CCNB3: variants seen among roughly 807,000 people sequenced by gnomAD.
CCNB3 encodes the protein cyclin B3.
Under a neutral mutation model 68.0 loss-of-function variants are expected in CCNB3, and 12 were observed. The ratio of observed to expected loss-of-function variants is 0.18; its 90% CI spans 0.11 to 0.29. CCNB3 has a LOEUF of 0.29. Ranked by LOEUF, CCNB3 falls within the 10% of genes least tolerant of loss-of-function variation. The probability of loss-of-function intolerance (pLI) is 1.00; values close to 1 mark genes in which losing one functional copy is unlikely to be tolerated. For missense variants in CCNB3, 904 were observed against 993.1 expected (o/e 0.91, Z 1.21); for synonymous variants, 354 against 388.9 (o/e 0.91, Z 1.06).
intron 3 of CCNB3, among the ~76,000 whole-genome samples, chrX:50,287,745 G>A (rs1270432239): frequency 9.1e-6 from 1 of 110,346 alleles, no homozygotes; most frequent in Non-Finnish European, 1.9e-5. Context: ...TATCCTTACT[G>A]GTAATGTCTT....
rs1557220578 is a variant in CCNB3 at position 50,347,701 on chromosome X, G to A, written c.3886G>A (p.Val1296Ile). The A allele has an allele frequency of 4.1e-6, 5 of 1,208,446 alleles. No individual in the cohort carries two copies. The highest frequency in any genetic ancestry group is 1.8e-5 in the African/African-American group (1 of 56,733). ...GATGACCCTGCAGGAATACCACTATGTCCAGGAGAAGGCTTCCAAGCTAGC... is the reference window on the plus strand; with the variant it reads ...GATGACCCTGCAGGAATACCACTATATCCAGGAGAAGGCTTCCAAGCTAGC... The part of the protein sequence containing the change: ...CEMTLQEYHY[V>I]QEKASKLAAA... Residue 1296 changes from valine to isoleucine, a missense_variant, in exon 11 of 13, where the codon GTC (valine) becomes ATC (isoleucine). Physicochemically the swap from Val to Ile is conservative, Grantham distance 29 (BLOSUM62 3). Coordinates refer to ENST00000376042, the MANE Select transcript of CCNB3 (RefSeq NM_033031.3).
chrX:50,346,628 ACCT>A, intron 9 of CCNB3, 21 bp from the exon 10 acceptor site: 1 of 1,189,749 alleles, frequency 8.4e-7, no homozygotes. Flanking sequence ...TCTGGTTGTC[ACCT>A]CCTCTCCTCT....
In CCNB3 at chrX:50,296,961, C is replaced by A. The variant is rs1454866661; in HGVS notation, c.335+1968C>A. On this transcript the variant is annotated intron_variant, in intron 5 of 12. Transcript: ENST00000376042. The stretch of plus-strand genomic sequence containing the variant: ...AATGTCTGTTCATATCCTTCACCCA[C>A]TTTTTGATGGGGTTGTTTGCTTTTT... 9.6e-3 allele frequency among the ~76,000 whole-genome samples: 1,064 copies of A among 111,128 alleles called. 4 individuals carry two copies. The highest frequency in any genetic ancestry group is 0.015 in the Non-Finnish European group (807 of 52,963).
intron 8 of CCNB3, among the ~76,000 whole-genome samples, chrX:50,334,859 G>A (rs141493378): frequency 0.011 from 1,247 of 112,133 alleles, 14 homozygotes; most frequent in Non-Finnish European, 0.019. Flanking sequence ...ACAGCTCCTA[G>A]GAATTCCCTT....
intron 1 of CCNB3, among the ~76,000 whole-genome samples, chrX:50,279,103 C>A (rs1355908647): frequency 2.7e-4 from 13 of 48,219 alleles, no homozygotes; most frequent in Admixed American, 3.8e-4. Context: ...AATATATATT[C>A]CATATATAAA....
At chrX:50,293,476 CTT>C (rs1291950599) in intron 4 of CCNB3, among the ~76,000 whole-genome samples, 4 of 110,916 alleles carry the variant, frequency 3.6e-5, no homozygotes, top group Non-Finnish European at 7.6e-5. Flanking sequence ...TATTTGAGAT[CTT>C]TCTAGCTTTT....
intron 1 of CCNB3, among the ~76,000 whole-genome samples, chrX:50,225,742 T>A (rs912976192): frequency 6.4e-5 from 7 of 108,724 alleles, no homozygotes; most frequent in African/African-American, 1.7e-4. Context: ...TGGTATCAAT[T>A]TCTGAAAGGG....
intron 9 of CCNB3, among the ~76,000 whole-genome samples, chrX:50,344,068 G>A (rs1165581844): frequency 8.9e-6 from 1 of 112,021 alleles, no homozygotes; most frequent in Non-Finnish European, 1.9e-5. Context: ...CTTTTATGCT[G>A]TATTGTTACT....
intron 8 of CCNB3, among the ~76,000 whole-genome samples, chrX:50,317,342 T>C (rs1280685108): frequency 1.8e-5 from 2 of 111,639 alleles, no homozygotes; most frequent in African/African-American, 3.3e-5. Context: ...ATGTGATTTA[T>C]AAATATATCC....
At chrX:50,298,059 C>T (rs1237608857) in intron 5 of CCNB3, among the ~76,000 whole-genome samples, 1 of 111,616 alleles carries the variant, frequency 9.0e-6, no homozygotes, top group Non-Finnish European at 1.9e-5. Flanking sequence ...TCTAGATATA[C>T]AATCATGTCA....
chrX:50,215,937 GCTT>G (rs1382698771), intron 1 of CCNB3, among the ~76,000 whole-genome samples: 1 of 97,079 alleles, frequency 1.0e-5, no homozygotes, highest in Admixed American at 1.1e-4. Context: ...ATTGGGGTGT[GCTT>G]CTTTTTTTTT....
Position 50,209,561 on chromosome X carries a change from G to A in CCNB3, c.-113+4611G>A, listed in dbSNP as rs1484137479. ...AGTAGCGATGGGGTTTCACCATGTT[G>A]GCCAGGCTGGTCTTAAACTCCTGAC... On this transcript the variant is annotated intron_variant, in intron 1 of 12. Coordinates refer to ENST00000376042, the MANE Select transcript of CCNB3 (RefSeq NM_033031.3). Among the ~76,000 whole-genome samples, 690 of 111,313 alleles carry A rather than the reference G, an allele frequency of 6.2e-3. 4 individuals are homozygous for A. Among genetic ancestry groups the A allele is most frequent in the African/African-American group, 0.022 (669 of 30,613 alleles).
intron 1 of CCNB3, among the ~76,000 whole-genome samples, chrX:50,226,373 TA>T (rs1380815369): frequency 2.8e-4 from 11 of 39,409 alleles, no homozygotes; most frequent in Non-Finnish European, 4.2e-4. Flanking sequence ...AGAATATATA[TA>T]AAAATATATA....
At chrX:50,293,331 ATT>A (rs782258281) in intron 4 of CCNB3, among the ~76,000 whole-genome samples, 77 of 109,541 alleles carry the variant, frequency 7.0e-4, no homozygotes, top group Middle Eastern at 9.6e-3. Flanking sequence ...GGATTTGTTG[ATT>A]TTTTTTAAGG....
intron 4 of CCNB3, among the ~76,000 whole-genome samples, chrX:50,291,645 T>C (rs1936349314): frequency 1.8e-5 from 2 of 112,101 alleles, no homozygotes; most frequent in South Asian, 7.5e-4. Flanking sequence ...AACTTGAAAA[T>C]ATCAGTGCTT....
intron 1 of CCNB3, among the ~76,000 whole-genome samples, chrX:50,226,988 A>G (rs1338442099): frequency 7.8e-5 from 6 of 76,846 alleles, no homozygotes; most frequent in Admixed American, 3.8e-4. Context: ...GTATATATAT[A>G]GAATATATAA....
At chrX:50,280,111 T>A (rs1936095817) in intron 1 of CCNB3, among the ~76,000 whole-genome samples, 1 of 81,124 alleles carries the variant, frequency 1.2e-5, no homozygotes, top group Non-Finnish European at 2.3e-5. Context: ...ATATATAGAA[T>A]ATATAAATAT....
At chrX:50,206,178 G>A (rs1935358686) in intron 1 of CCNB3, among the ~76,000 whole-genome samples, 1 of 111,054 alleles carries the variant, frequency 9.0e-6, no homozygotes, top group African/African-American at 3.3e-5. Flanking sequence ...GGGAGACAGA[G>A]GTTGCAGTGA....
At chrX:50,204,042 C>T (rs183443107), upstream of CCNB3, among the ~76,000 whole-genome samples, 54 of 111,748 alleles carry the variant, frequency 4.8e-4, no homozygotes, top group East Asian at 0.015. Flanking sequence ...ATTACCTTTT[C>T]CTATTCCTAG....
Sources: allele counts gnomAD v4.1 joint callset (sites outside exome capture counted in the v4.1 genomes callset), GRCh38; gene constraint gnomAD v4.1.1; transcripts MANE v1.5; gene names NCBI Gene and HGNC (gene_info 2026-07-23, HGNC 2026-07-21).